The following PTER variants were observed in gnomAD, a reference collection of about 807,000 sequenced individuals.
The protein encoded by PTER is N-acetyltaurine hydrolase.
Under a neutral mutation model 29.6 loss-of-function variants are expected in PTER, and 38 were observed. The observed-to-expected ratio is 1.28, with a 90% confidence interval of 0.99 to 1.68. The LOEUF (loss-of-function observed/expected upper bound fraction) is 1.68, where lower values mean the gene tolerates loss of function less well. Among genes scored for constraint, PTER ranks in the 40% most tolerant of loss-of-function variants. The pLI is 0.00. For synonymous variants in PTER, 172 were observed against 154.5 expected (o/e 1.11, Z -0.84); for missense variants, 482 against 427.8 (o/e 1.13, Z -1.12).
intron 1 of PTER, among the ~76,000 whole-genome samples, chr10:16,481,130 T>G (rs1835465574): frequency 6.6e-6 from 1 of 152,242 alleles, no homozygotes. Context: ...ATTTCACATT[T>G]GAAGTGCAAC....
At chr10:16,459,094 C>G (rs916408724) in intron 1 of PTER, among the ~76,000 whole-genome samples, 3 of 152,150 alleles carry the variant, frequency 2.0e-5, no homozygotes, top group African/African-American at 7.2e-5. Flanking sequence ...TTCTTTCAGA[C>G]TATTCTCCAT....
chr10:16,494,396 T>A (rs1201982176), intron 3 of PTER, among the ~76,000 whole-genome samples: 1 of 152,172 alleles, frequency 6.6e-6, no homozygotes, highest in Non-Finnish European at 1.5e-5. Flanking sequence ...TCATTAAACA[T>A]TTCTTTAGCG....
At chr10:16,509,574 T>TCA (rs1255857307) in intron 4 of PTER, among the ~76,000 whole-genome samples, 1 of 152,234 alleles carries the variant, frequency 6.6e-6, no homozygotes, top group Non-Finnish European at 1.5e-5. Flanking sequence ...TATACCGTGA[T>TCA]ACTTCTTTGC....
rs1045942039 is a variant in PTER, at chr10:16,512,733, T to G, written c.*1477T>G. The G allele has an allele frequency of 6.6e-6, 1 of 150,696 alleles. No homozygotes were observed. The highest frequency in any genetic ancestry group is 6.6e-5 in the Admixed American group (1 of 15,182). 9.3% of individuals were successfully genotyped at this position (150,696 alleles called of 1,614,324 possible). The stretch of plus-strand genomic sequence containing the variant: ...CCTTTAAATAAATAAAAAAAAAAAA[T>G]GCAAATGTCCTTCACCAGTAAAGCA... On this transcript the variant is annotated 3_prime_UTR_variant, in exon 5 of 5. Transcript: ENST00000535784.
chr10:16,473,541 A>C (rs990367191), intron 1 of PTER, among the ~76,000 whole-genome samples: 3 of 150,652 alleles, frequency 2.0e-5, no homozygotes, highest in Non-Finnish European at 1.5e-5. Context: ...AAAAAAAAAA[A>C]AAAAAACAGT....
chr10:16,516,696 A>T (rs1836956762), downstream of PTER, among the ~76,000 whole-genome samples: 2 of 152,194 alleles, frequency 1.3e-5, no homozygotes, highest in African/African-American at 4.8e-5. Context: ...TAAAAATATA[A>T]TGCCATTTTT....
chr10:16,444,061 G>A (rs1322773621), intron 1 of PTER, among the ~76,000 whole-genome samples: 1 of 150,940 alleles, frequency 6.6e-6, no homozygotes, highest in Non-Finnish European at 1.5e-5. Flanking sequence ...GAGTGCATTG[G>A]CGCGATCTCG....
chr10:16,452,120 A>G (rs1451648137), intron 1 of PTER, among the ~76,000 whole-genome samples: 2 of 151,958 alleles, frequency 1.3e-5, no homozygotes, highest in African/African-American at 4.8e-5. Context: ...ACACATTAAA[A>G]TAAATAACAA....
intron 1 of PTER, among the ~76,000 whole-genome samples, chr10:16,453,100 C>T (rs747406804): frequency 6.6e-6 from 1 of 151,766 alleles, no homozygotes; most frequent in Non-Finnish European, 1.5e-5. Context: ...ATATGTTGTC[C>T]AGGTGGGGTC....
intron 3 of PTER, among the ~76,000 whole-genome samples, chr10:16,491,155 C>G (rs979886789): frequency 2.6e-5 from 4 of 152,060 alleles, no homozygotes; most frequent in Non-Finnish European, 5.9e-5. Flanking sequence ...AATTCTGAGA[C>G]CATCGCTAGA....
chr10:16,496,271 C>A (rs1459273979), intron 3 of PTER, among the ~76,000 whole-genome samples: 1 of 152,218 alleles, frequency 6.6e-6, no homozygotes, highest in East Asian at 1.9e-4. Context: ...CTAATTATAT[C>A]CCTGATCCTG....
chr10:16,474,705 G>T (rs897408719), intron 1 of PTER, among the ~76,000 whole-genome samples: 6 of 152,068 alleles, frequency 3.9e-5, no homozygotes, highest in African/African-American at 1.4e-4. Context: ...GGCCAGCATG[G>T]TGAAACTCCG....
chr10:16,508,294 T>C (rs1011816158), intron 4 of PTER, among the ~76,000 whole-genome samples: 3 of 152,092 alleles, frequency 2.0e-5, no homozygotes, highest in African/African-American at 7.2e-5. Context: ...GGTCTTGATC[T>C]CCTGACCTCG....
At chr10:16,518,921 C>A in the PTER span, among the ~76,000 whole-genome samples, 3 of 151,888 alleles carry the variant, frequency 2.0e-5, no homozygotes, top group Non-Finnish European at 2.9e-5. Flanking sequence ...CCCGTTTTAG[C>A]CATTTGCCTA....
In PTER at chr10:16,509,406, G is replaced by T. The variant is rs368492148; in HGVS notation, c.840-1640G>T. On this transcript the variant is annotated intron_variant, in intron 4 of 4. Transcript: ENST00000535784. ...CTACTTCATGATTTGATAACATTGT[G>T]TTTCAAGGTCTGACAAAGGACATCT... is the stretch of plus-strand genomic sequence containing the variant. Among the ~76,000 whole-genome samples the T allele has an allele frequency of 2.0e-4, 30 of 152,248 alleles. No homozygotes were observed. The South Asian group carries it at 6.2e-3, about 32-fold the overall frequency.
intron 1 of PTER, among the ~76,000 whole-genome samples, chr10:16,456,891 T>C: frequency 6.7e-6 from 1 of 150,228 alleles, no homozygotes; most frequent in Non-Finnish European, 1.5e-5. Flanking sequence ...GCTGTTCTCG[T>C]GGTAGTGAAT....
chr10:16,480,846 A>G (rs546946336), intron 1 of PTER, among the ~76,000 whole-genome samples: 1 of 152,330 alleles, frequency 6.6e-6, no homozygotes, highest in East Asian at 1.9e-4. Flanking sequence ...TGAATTGTCT[A>G]AGTATTTTGT....
chr10:16,505,182 A>G (rs1293959488), intron 4 of PTER, 22 bp downstream of exon 4: 1 of 1,612,312 alleles, frequency 6.2e-7, no homozygotes. Flanking sequence ...AAAGCCTCTC[A>G]TAGCATTCCC....
intron 1 of PTER, among the ~76,000 whole-genome samples, chr10:16,472,549 AT>A (rs1835093078): frequency 6.6e-6 from 1 of 152,126 alleles, no homozygotes; most frequent in South Asian, 2.1e-4. Flanking sequence ...GTCCGCCATG[AT>A]TGAGAGTCCT....
Sources: allele counts gnomAD v4.1 joint callset (sites outside exome capture counted in the v4.1 genomes callset), GRCh38; gene constraint gnomAD v4.1.1; transcripts MANE v1.5; gene names NCBI Gene and HGNC (gene_info 2026-07-23, HGNC 2026-07-21).